The following ADGRF3 variants were observed in gnomAD, a reference collection of about 807,000 sequenced individuals.
ADGRF3 encodes the protein G protein-coupled receptor 113.
Under a neutral mutation model 93.2 loss-of-function variants are expected in ADGRF3, and 85 were observed. The ratio of observed to expected loss-of-function variants is 0.91; its 90% CI spans 0.77 to 1.09. The LOEUF is 1.09. ADGRF3 is among the 50% of genes least tolerant of loss of function. The pLI is 0.00. For missense variants in ADGRF3, 1,125 were observed against 1,246.2 expected (o/e 0.90, Z 1.46); for synonymous variants, 534 against 532.5 (o/e 1.00, Z -0.04).
Position 26,310,065 on chromosome 2 carries a change from G to T in ADGRF3, c.2915C>A (p.Ala972Asp), listed in dbSNP as rs1016545910. The change falls in exon 12 of 14, where the codon GCC becomes GAC. Residue 972 changes from alanine to aspartate, a missense_variant. Physicochemically the swap from Ala to Asp is moderately radical, Grantham distance 126. Transcript: ENST00000651242. ...CACCAGGGAGATGGTGGAGCTGGGG[G>T]CTTGGGCGCGGCAGAAGCGTTTGCG... ...ALRKRFCRAQ[A>D]PSSTISLATN... 2 of 1,613,954 alleles carry T rather than the reference G, an allele frequency of 1.2e-6. No individual in the cohort carries two copies. Among genetic ancestry groups the T allele is most frequent in the African/African-American group, 2.7e-5 (2 of 74,942 alleles).
chr2:26,338,461 CTTTGT>C (rs1400119995), intron 1 of ADGRF3, among the ~76,000 whole-genome samples: 3 of 152,170 alleles, frequency 2.0e-5, no homozygotes, highest in South Asian at 2.1e-4. Flanking sequence ...TCTTATTCAA[CTTTGT>C]TTTGTTTTGT....
At chr2:26,342,838 A>G (rs931687885) in intron 1 of ADGRF3, among the ~76,000 whole-genome samples, 5 of 152,212 alleles carry the variant, frequency 3.3e-5, no homozygotes, top group Non-Finnish European at 7.3e-5. Flanking sequence ...GGAAACAGAA[A>G]GGTGACTTAG....
Position 26,308,964 on chromosome 2 carries a change from G to T in ADGRF3, c.*122C>A. 7.7e-7 allele frequency: 1 copy of T among 1,306,366 alleles called. No homozygotes were observed. The highest frequency in any genetic ancestry group is 1.1e-6 in the Non-Finnish European group (1 of 907,512). The allele number at this position is 1,306,366 out of a possible 1,614,324, so 80.9% of individuals were successfully genotyped here. The stretch of plus-strand genomic sequence containing the variant: ...GTGTCACTAAGGGAAATATAAGCCT[G>T]CCTTTCTCAAGGGCTGAGCTCCGGG... On this transcript the variant is annotated 3_prime_UTR_variant, in exon 14 of 14. Transcript: ENST00000651242.
Position 26,346,182 on chromosome 2 carries a change from G to A in ADGRF3, c.53C>T (p.Ala18Val), listed in dbSNP as rs756834378. The A allele has an allele frequency of 6.2e-7, 1 of 1,612,764 alleles. No homozygotes were observed. The highest frequency in any genetic ancestry group is 1.1e-5 in the South Asian group (1 of 90,808). Residue 18 changes from alanine to valine, a missense_variant, in exon 1 of 14, where the codon GCT becomes GTT. Ala to Val is a moderately conservative substitution (Grantham distance 64, BLOSUM62 0). Coordinates refer to ENST00000651242, the MANE Select transcript of ADGRF3 (RefSeq NM_001321971.2). ...AHSAATPGYK[A>V]VTHKHHTGWA... ...GCCGGTGTGGTGCTTGTGTGTCACA[G>A]CCTTGTAGCCGGGAGTCGCTGCCGA...
chr2:26,312,161 T>G (rs2147868292), intron 9 of ADGRF3, 87 bp from the exon 10 acceptor site: 1 of 1,303,902 alleles, frequency 7.7e-7, no homozygotes, highest in Non-Finnish European at 1.0e-6. Context: ...ACCCCACACC[T>G]TCCCTTCCCA....
intron 9 of ADGRF3, among the ~76,000 whole-genome samples, chr2:26,312,337 T>C (rs1458831318): frequency 1.3e-5 from 2 of 152,148 alleles, no homozygotes; most frequent in East Asian, 1.9e-4. Context: ...AAAACCCTTC[T>C]TCCCCCTCCA....
chr2:26,318,856 G>T, intron 1 of ADGRF3: 1 of 1,519,384 alleles, frequency 6.6e-7, no homozygotes, highest in South Asian at 1.2e-5. Context: ...TCTCCCCTCA[G>T]CCCTTTCCCC....
intron 1 of ADGRF3, among the ~76,000 whole-genome samples, chr2:26,328,796 G>T (rs1209457927): frequency 6.6e-6 from 1 of 152,080 alleles, no homozygotes; most frequent in Non-Finnish European, 1.5e-5. Flanking sequence ...CTCTGTTCAG[G>T]TTTTCAATCT....
At chr2:26,319,295 C>G (rs893661372) in intron 1 of ADGRF3, among the ~76,000 whole-genome samples, 1 of 152,074 alleles carries the variant, frequency 6.6e-6, no homozygotes, top group Non-Finnish European at 1.5e-5. Context: ...CCCAAAGCTC[C>G]GAGAGCAGGA....
At chr2:26,316,778 C>T in intron 3 of ADGRF3, 134 bp downstream of exon 3, 1 of 976,004 alleles carries the variant, frequency 1.0e-6, no homozygotes, top group Non-Finnish European at 1.5e-6. Context: ...AGGAGCTGGG[C>T]CACGGAGACA....
Position 26,313,433 on chromosome 2 carries a change from GC to G in ADGRF3, c.1212del (p.Pro405ArgfsTer53). 1.2e-6 allele frequency: 2 copies of G among 1,609,204 alleles called. No individual in the cohort carries two copies. The highest frequency in any genetic ancestry group is 1.7e-5 in the Admixed American group (1 of 59,408). On this transcript the variant is annotated frameshift_variant, in exon 8 of 14. Coordinates refer to ENST00000651242, the MANE Select transcript of ADGRF3 (RefSeq NM_001321971.2). LOFTEE classifies it high-confidence loss of function. ...GCATCTGTGCAGCTGCTGTGGACCGGCCCCCAGACTCCGTCAGCCCCACAGA... is the reference window on the plus strand; with the variant it reads ...GCATCTGTGCAGCTGCTGTGGACCGGCCCCAGACTCCGTCAGCCCCACAGA... Reference protein sequence around the residue: ...RRLCGADGVWGPVHSSCTDAR... With the variant: ...RRLCGADGVWXPVHSSCTDAR...
intron 1 of ADGRF3, chr2:26,319,130 G>A: frequency 7.0e-7 from 1 of 1,424,530 alleles, no homozygotes; most frequent in Non-Finnish European, 9.5e-7. Context: ...CAGATGGGAT[G>A]GGAGGGAAGA....
At chr2:26,313,695 A>G (rs914937894) in intron 7 of ADGRF3, 65 bp downstream of exon 7, 8 of 1,600,026 alleles carry the variant, frequency 5.0e-6, no homozygotes, top group Non-Finnish European at 6.8e-6. Context: ...CGTGCCATGC[A>G]AGAGAGCCCG....
At position 26,308,867 on chromosome 2, in the gene ADGRF3, T is replaced by C. The variant is rs1242162703; in HGVS notation, c.*219A>G. ...AAGGCAGGCTTATTCATTAGGTGCC[T>C]TTAGCTAATTTTTCCTGCTATTCTT... On this transcript the variant is annotated 3_prime_UTR_variant, in exon 14 of 14. Coordinates refer to ENST00000651242, the MANE Select transcript of ADGRF3 (RefSeq NM_001321971.2). The C allele has an allele frequency of 1.3e-5, 7 of 546,832 alleles. No individual in the cohort carries two copies. The highest frequency in any genetic ancestry group is 2.2e-5 in the Non-Finnish European group (7 of 312,876). The allele number at this position is 546,832 out of a possible 1,614,324, so 33.9% of individuals were successfully genotyped here.
chr2:26,318,115 A>C lies in ADGRF3; in HGVS notation c.115-553T>G, dbSNP rs1297733474. 1.4e-5 allele frequency: 21 copies of C among 1,543,324 alleles called. No homozygotes were observed. Among genetic ancestry groups the C allele is most frequent in the Admixed American group, 2.0e-5 (1 of 50,106 alleles). On this transcript the variant is annotated intron_variant, in intron 1 of 13. Transcript: ENST00000651242. ...GATAGGGGGATGGGGCAGGCAGGGAAGGGTCTGTCTGGTAGGGAGGTGAGG... is the reference window on the plus strand; with the variant it reads ...GATAGGGGGATGGGGCAGGCAGGGACGGGTCTGTCTGGTAGGGAGGTGAGG...
Position 26,310,068 on chromosome 2 carries a change from T to C in ADGRF3, c.2912A>G (p.Gln971Arg). ...EALRKRFCRA[Q>R]APSSTISLAT... ...CAGGGAGATGGTGGAGCTGGGGGCTTGGGCGCGGCAGAAGCGTTTGCGCAA... is the reference window on the plus strand; with the variant it reads ...CAGGGAGATGGTGGAGCTGGGGGCTCGGGCGCGGCAGAAGCGTTTGCGCAA... The change falls in exon 12 of 14, where the codon CAA (glutamine) becomes CGA (arginine). Residue 971 changes from glutamine to arginine, a missense_variant. By Grantham distance (43) the Gln-to-Arg change is conservative (BLOSUM62 1). Coordinates refer to ENST00000651242, the MANE Select transcript of ADGRF3 (RefSeq NM_001321971.2). 1 of 1,614,054 alleles carries C rather than the reference T, an allele frequency of 6.2e-7. No individual in the cohort carries two copies.
chr2:26,322,981 C>A (rs2147897830), intron 1 of ADGRF3, among the ~76,000 whole-genome samples: 1 of 151,550 alleles, frequency 6.6e-6, no homozygotes, highest in South Asian at 2.1e-4. Flanking sequence ...ACTAAAAATA[C>A]AAAAAAAATT....
chr2:26,343,195 CAT>C (rs1292707094), intron 1 of ADGRF3, among the ~76,000 whole-genome samples: 1 of 152,104 alleles, frequency 6.6e-6, no homozygotes, highest in Non-Finnish European at 1.5e-5. Flanking sequence ...TAAGGGACCA[CAT>C]GTGGTCCCTC....
chr2:26,327,030 G>A (rs748084053), intron 1 of ADGRF3, among the ~76,000 whole-genome samples: 9 of 152,290 alleles, frequency 5.9e-5, no homozygotes, highest in Non-Finnish European at 8.8e-5. Context: ...TCGGCCTCCC[G>A]AAGTGCTGGG....
Sources: gnomAD v4.1 joint callset for allele counts (sites outside exome capture counted in the v4.1 genomes callset) on GRCh38, gnomAD v4.1.1 for gene constraint, MANE v1.5 for transcripts, NCBI Gene and HGNC (gene_info 2026-07-23, HGNC 2026-07-21) for gene names.